SVIL: variants seen among roughly 807,000 people sequenced by gnomAD.
SVIL encodes supervillin, also known as archvillin.
SVIL carries 101 observed loss-of-function variants against 240.4 expected under a neutral mutation model. The ratio of observed to expected loss-of-function variants is 0.42; its 90% CI spans 0.36 to 0.50. The LOEUF (loss-of-function observed/expected upper bound fraction) is 0.50, where lower values mean the gene tolerates loss of function less well. SVIL is among the 20% of genes least tolerant of loss of function. The pLI, the probability that SVIL is intolerant of heterozygous loss-of-function variation, is 0.01. For missense variants in SVIL, 2,512 were observed against 2,818.7 expected (o/e 0.89, Z 2.46); for synonymous variants, 999 against 1,100.0 (o/e 0.91, Z 1.82).
chr10:29,575,664 G>A (rs907970119), intron 1 of SVIL, among the ~76,000 whole-genome samples: 7 of 151,700 alleles, frequency 4.6e-5, no homozygotes, highest in African/African-American at 1.5e-4. Flanking sequence ...GGAAGTGAGC[G>A]GCTACCTTTG....
chr10:29,559,704 T>C (rs931416981), intron 3 of SVIL, among the ~76,000 whole-genome samples: 4 of 152,236 alleles, frequency 2.6e-5, no homozygotes, highest in African/African-American at 9.6e-5. Flanking sequence ...GGTCTGTTAC[T>C]CTTCTTTGAG....
intron 1 of SVIL, among the ~76,000 whole-genome samples, chr10:29,613,235 G>T (rs539894971): frequency 1.0e-3 from 159 of 151,622 alleles, no homozygotes; most frequent in Non-Finnish European, 2.1e-3. Flanking sequence ...ATGCTCTGGT[G>T]CAGTGGAGAG....
chr10:29,713,487 T>C (rs1384737151), intron 1 of SVIL, among the ~76,000 whole-genome samples: 1 of 152,242 alleles, frequency 6.6e-6, no homozygotes, highest in Non-Finnish European at 1.5e-5. Context: ...TTCAGCCATG[T>C]TCATGAATCA....
chr10:29,463,957 C>T (rs2132277732), intron 34 of SVIL, among the ~76,000 whole-genome samples: 1 of 152,296 alleles, frequency 6.6e-6, no homozygotes, highest in Middle Eastern at 3.4e-3. Flanking sequence ...CAGGGCTGTG[C>T]TAAGAGTGGA....
At chr10:29,506,794 G>A (rs961246791) in intron 17 of SVIL, among the ~76,000 whole-genome samples, 2 of 124,020 alleles carry the variant, frequency 1.6e-5, no homozygotes, top group Non-Finnish European at 3.6e-5. Flanking sequence ...GAGGCCCTAT[G>A]AGGGAGGGGA....
intron 1 of SVIL, among the ~76,000 whole-genome samples, chr10:29,618,456 C>T (rs575149874): frequency 6.6e-6 from 1 of 152,286 alleles, no homozygotes; most frequent in African/African-American, 2.4e-5. Context: ...ACTGGTTGCA[C>T]AAAGCAAAAG....
chr10:29,655,968 T>C (rs1958990827), intron 3 of SVIL, among the ~76,000 whole-genome samples: 1 of 151,540 alleles, frequency 6.6e-6, no homozygotes, highest in African/African-American at 2.4e-5. Flanking sequence ...AGACTTCTGT[T>C]CAGGTGCTTC....
chr10:29,603,284 C>G (rs1956885024), intron 1 of SVIL, among the ~76,000 whole-genome samples: 3 of 151,870 alleles, frequency 2.0e-5, no homozygotes, highest in Admixed American at 6.6e-5. Context: ...GATTTCCAAC[C>G]CTTTCTTCTT....
chr10:29,548,282 T>C (rs1487323546), intron 6 of SVIL, among the ~76,000 whole-genome samples: 1 of 152,144 alleles, frequency 6.6e-6, no homozygotes, highest in Non-Finnish European at 1.5e-5. Context: ...TTCCCACATA[T>C]GAATCTTTTT....
At chr10:29,526,395 C>T (rs895084514) in intron 13 of SVIL, among the ~76,000 whole-genome samples, 30 of 148,368 alleles carry the variant, frequency 2.0e-4, no homozygotes, top group Non-Finnish European at 5.9e-5. Flanking sequence ...ACCTCTGCCT[C>T]CCAGGTTCAA....
At chr10:29,694,299 G>A (rs1961754652) in intron 1 of SVIL, among the ~76,000 whole-genome samples, 1 of 150,460 alleles carries the variant, frequency 6.6e-6, no homozygotes, top group Non-Finnish European at 1.5e-5. Context: ...TATAGTCCAA[G>A]CTGAAGCAGG....
intron 30 of SVIL, among the ~76,000 whole-genome samples, chr10:29,471,820 C>T (rs1248981259): frequency 6.6e-6 from 1 of 152,228 alleles, no homozygotes; most frequent in East Asian, 1.9e-4. Context: ...GGAAATGTTT[C>T]CTGGAGCTGG....
At chr10:29,503,654 TTGAAG>T (rs1190866656) in intron 17 of SVIL, among the ~76,000 whole-genome samples, 2 of 152,246 alleles carry the variant, frequency 1.3e-5, no homozygotes, top group Non-Finnish European at 2.9e-5. Context: ...AATTTTAATT[TTGAAG>T]TGATGAAACA....
At chr10:29,725,381 G>A (rs554891365) in intron 1 of SVIL, among the ~76,000 whole-genome samples, 182 of 152,174 alleles carry the variant, frequency 1.2e-3, no homozygotes, top group Non-Finnish European at 2.3e-3. Context: ...TCATAACTGG[G>A]TCTTATCAGA....
intron 1 of SVIL, among the ~76,000 whole-genome samples, chr10:29,579,749 T>C (rs987385087): frequency 1.1e-4 from 17 of 151,998 alleles, no homozygotes; most frequent in Non-Finnish European, 1.5e-5. Context: ...AACTCTCCTT[T>C]GGGGGCCATC....
chr10:29,539,667 C>T (rs191876936), intron 6 of SVIL, among the ~76,000 whole-genome samples: 15 of 152,280 alleles, frequency 9.9e-5, no homozygotes. Flanking sequence ...TTCGACACTC[C>T]CCTCTTCTGT....
chr10:29,538,651 A>G (rs1233471951), intron 6 of SVIL, among the ~76,000 whole-genome samples: 1 of 152,222 alleles, frequency 6.6e-6, no homozygotes, highest in Non-Finnish European at 1.5e-5. Flanking sequence ...CCATCTCCAT[A>G]GTGTGCTGCA....
intron 1 of SVIL, among the ~76,000 whole-genome samples, chr10:29,605,712 T>A: frequency 9.4e-6 from 1 of 106,436 alleles, no homozygotes; most frequent in South Asian, 2.9e-4. Context: ...AAAATATATA[T>A]TCAAATATAT....
Position 29,735,577 on chromosome 10 carries a change from C to T in SVIL, c.-400+174G>A, listed in dbSNP as rs959081357. 6.6e-6 allele frequency among the ~76,000 whole-genome samples: 1 copy of T among 150,984 alleles called. No individual in the cohort carries two copies. The highest frequency in any genetic ancestry group is 2.4e-5 in the African/African-American group (1 of 41,210). On this transcript the variant is annotated intron_variant, in intron 1 of 35. Coordinates refer to the SVIL transcript ENST00000375400. This position sits in a 1 kb window ranked among gnomAD's most constrained non-coding sequence, Gnocchi z 4.1. ...CAGCGGCCCGGGCACCCGCCGGCCT[C>T]CACCCCCGGGAGGCGCCCCCGTTCC...
Sources: gnomAD v4.1 joint callset for allele counts (sites outside exome capture counted in the v4.1 genomes callset) on GRCh38, gnomAD v4.1.1 for gene constraint, Gnocchi (gnomAD v3.1) non-coding constraint, MANE v1.5 for transcripts, NCBI Gene and HGNC (gene_info 2026-07-23, HGNC 2026-07-21) for gene names.